CBFB: variants seen among roughly 807,000 people sequenced by gnomAD.
CBFB encodes the protein CBF-beta.
CBFB carries 9 observed loss-of-function variants against 30.4 expected under a neutral mutation model. The observed-to-expected ratio is 0.30, with a 90% CI of 0.18 to 0.52. The LOEUF (loss-of-function observed/expected upper bound fraction) is 0.52, where lower values mean the gene tolerates loss of function less well. Among genes scored for constraint, CBFB ranks in the 20% least tolerant of loss-of-function variants. The pLI, the probability that CBFB is intolerant of heterozygous loss-of-function variation, is 0.97. For missense variants in CBFB, 170 were observed against 244.0 expected (o/e 0.70, Z 2.02); for synonymous variants, 94 against 84.0 (o/e 1.12, Z -0.65).
intron 2 of CBFB, among the ~76,000 whole-genome samples, chr16:67,032,254 G>A (rs1340736795): frequency 6.6e-6 from 1 of 152,156 alleles, no homozygotes; most frequent in African/African-American, 2.4e-5. Flanking sequence ...GAGCCCGGGA[G>A]GTCGAGGCTG....
In CBFB at chr16:67,060,536, TG is replaced by T. The variant is rs1194294418; in HGVS notation, c.283-6140del. Among the ~76,000 whole-genome samples the T allele has an allele frequency of 4.4e-3, 663 of 152,124 alleles. 3 individuals carry two copies. The highest frequency in any genetic ancestry group is 0.015 in the African/African-American group (636 of 41,530). The stretch of plus-strand genomic sequence containing the variant: ...CTGGATTTAGCTTTCTGTACGTTTC[TG>T]GGGGGTTTTTTGTTTTTGTTTTTGT... On this transcript the variant is annotated intron_variant, in intron 3 of 5. Transcript: ENST00000412916.
intron 2 of CBFB, chr16:67,030,103 G>A (rs1339637058): frequency 1.4e-5 from 5 of 366,692 alleles, no homozygotes; most frequent in Non-Finnish European, 2.4e-5. Context: ...TTTAGGCGGC[G>A]ACACCGAAGA....
intron 3 of CBFB, among the ~76,000 whole-genome samples, chr16:67,052,284 A>G (rs1051319796): frequency 1.1e-4 from 16 of 152,146 alleles, no homozygotes; most frequent in African/African-American, 3.6e-4. Flanking sequence ...AAAAATACCT[A>G]CTAGGCCGAG....
chr16:67,081,833 C>CT (rs564426777), intron 4 of CBFB, among the ~76,000 whole-genome samples: 5,059 of 143,124 alleles, frequency 0.035, 118 homozygotes, highest in South Asian at 0.078. Context: ...TTTTTTTTTT[C>CT]TTTTTTTTTC....
chr16:67,061,331 T>G (rs758071569), intron 3 of CBFB, among the ~76,000 whole-genome samples: 35 of 152,232 alleles, frequency 2.3e-4, no homozygotes, highest in African/African-American at 9.6e-5. Context: ...TGTTTACCCA[T>G]TTTAAATCAA....
chr16:67,095,886 T>G (rs1244976451), intron 5 of CBFB, among the ~76,000 whole-genome samples: 1 of 151,602 alleles, frequency 6.6e-6, no homozygotes, highest in Non-Finnish European at 1.5e-5. Context: ...GAGATGGGGT[T>G]TCGCCATGTT....
At chr16:67,072,775 T>G (rs1166649027) in intron 4 of CBFB, among the ~76,000 whole-genome samples, 2 of 134,554 alleles carry the variant, frequency 1.5e-5, no homozygotes, top group African/African-American at 6.3e-5. Flanking sequence ...CTCTTTTTTC[T>G]TTTTTTTTTT....
rs532016651 is a variant in CBFB, at chr16:67,101,013, T to G, written c.*2235T>G. The stretch of plus-strand genomic sequence containing the variant: ...TGCCACCATTGGCCATACTGTGTGT[T>G]TGTTTGTTTAATTTACTTTCACAAT... On this transcript the variant is annotated 3_prime_UTR_variant, in exon 6 of 6. Coordinates refer to ENST00000412916, the MANE Select transcript of CBFB (RefSeq NM_022845.3). 2.2e-3 allele frequency: 398 copies of G among 183,740 alleles called. No homozygotes were observed. The highest frequency in any genetic ancestry group is 3.5e-3 in the Non-Finnish European group (300 of 86,096). 11.4% of individuals were successfully genotyped at this position (183,740 alleles called of 1,614,324 possible).
intron 2 of CBFB, among the ~76,000 whole-genome samples, chr16:67,031,255 A>G (rs1367941108): frequency 6.6e-6 from 1 of 152,220 alleles, no homozygotes; most frequent in East Asian, 1.9e-4. Flanking sequence ...TATGAAAGAG[A>G]GTCTCAAGCT....
In CBFB at chr16:67,092,262, C is replaced by T. The variant is rs941890504; in HGVS notation, c.496-6448C>T. On this transcript the variant is annotated intron_variant, in intron 5 of 5. Coordinates refer to ENST00000412916, the MANE Select transcript of CBFB (RefSeq NM_022845.3). ...CATGTCCCTGCAAAGGACATGAACT[C>T]ATTCTTTTTTATGGCTGCTTTTTAA... 3.3e-4 allele frequency among the ~76,000 whole-genome samples: 50 copies of T among 152,166 alleles called. 1 individual carries two copies. Among genetic ancestry groups the T allele is most frequent in the Non-Finnish European group, 4.4e-5 (3 of 68,036 alleles).
At chr16:67,098,317 C>A (rs1962116153) in intron 5 of CBFB, among the ~76,000 whole-genome samples, 1 of 151,886 alleles carries the variant, frequency 6.6e-6, no homozygotes, top group Admixed American at 6.6e-5. Flanking sequence ...TTGTATTTTT[C>A]ATAGAGACAG....
intron 4 of CBFB, among the ~76,000 whole-genome samples, chr16:67,067,855 T>G (rs1328388477): frequency 6.6e-6 from 1 of 152,220 alleles, no homozygotes; most frequent in Non-Finnish European, 1.5e-5. Flanking sequence ...CAGCCAGAAA[T>G]TTATCAGGGA....
chr16:67,053,535 G>T (rs1373279511), intron 3 of CBFB, among the ~76,000 whole-genome samples: 1 of 151,954 alleles, frequency 6.6e-6, no homozygotes, highest in East Asian at 1.9e-4. Context: ...GATTACAAGC[G>T]TGAGCCACCG....
chr16:67,079,630 G>T (rs1234375521), intron 4 of CBFB, among the ~76,000 whole-genome samples: 1 of 148,744 alleles, frequency 6.7e-6, no homozygotes. Flanking sequence ...CAAGATGGCT[G>T]CTGCATCTCT....
At chr16:67,061,510 G>C (rs907312670) in intron 3 of CBFB, among the ~76,000 whole-genome samples, 1 of 152,108 alleles carries the variant, frequency 6.6e-6, no homozygotes, top group Non-Finnish European at 1.5e-5. Flanking sequence ...TGTATTAAAT[G>C]ACATTATTGA....
intron 3 of CBFB, among the ~76,000 whole-genome samples, chr16:67,058,591 C>T (rs1018603583): frequency 1.6e-4 from 25 of 152,136 alleles, no homozygotes; most frequent in Non-Finnish European, 3.2e-4. Context: ...TAAGCATTTC[C>T]TGCACATAGT....
chr16:67,074,741 A>G (rs569978820), intron 4 of CBFB, among the ~76,000 whole-genome samples: 25 of 152,346 alleles, frequency 1.6e-4, no homozygotes, highest in African/African-American at 4.8e-4. Flanking sequence ...GGAGTAGGCA[A>G]AAACTTGAAC....
chr16:67,051,911 A>G (rs916732917), intron 3 of CBFB, among the ~76,000 whole-genome samples: 1 of 126,868 alleles, frequency 7.9e-6, no homozygotes, highest in Admixed American at 7.3e-5. Flanking sequence ...ATATATGTGT[A>G]TACACACACA....
chr16:67,097,082 A>T (rs1413413760), intron 5 of CBFB, among the ~76,000 whole-genome samples: 1 of 152,072 alleles, frequency 6.6e-6, no homozygotes, highest in South Asian at 2.1e-4. Flanking sequence ...AAAGAATACA[A>T]AAATTAGCCA....
Sources: gnomAD v4.1 joint callset for allele counts (sites outside exome capture counted in the v4.1 genomes callset) on GRCh38, gnomAD v4.1.1 for gene constraint, MANE v1.5 for transcripts, NCBI Gene and HGNC (gene_info 2026-07-23, HGNC 2026-07-21) for gene names.